The following CIMAP1D variants were observed in gnomAD, a reference collection of about 807,000 sequenced individuals.
CIMAP1D encodes the protein protein CIMAP1D.
the CIMAP1D span, among the ~76,000 whole-genome samples, chr19:470,862 C>T: frequency 6.6e-6 from 1 of 152,254 alleles, no homozygotes; most frequent in South Asian, 2.1e-4. Context: ...GGGGTCCACG[C>T]CGGAGCTGCT....
the CIMAP1D span, chr19:467,785 C>A: frequency 6.8e-7 from 1 of 1,467,622 alleles, no homozygotes; most frequent in South Asian, 1.2e-5. Context: ...GCCCAGAGTG[C>A]TGAGAGTGAT....
chr19:477,429 C>T, the CIMAP1D span, among the ~76,000 whole-genome samples: 1 of 152,042 alleles, frequency 6.6e-6, no homozygotes, highest in Non-Finnish European at 1.5e-5. Flanking sequence ...AAAAAATTAG[C>T]TGGGCACAGT....
the CIMAP1D span, chr19:467,875 C>T: frequency 2.3e-5 from 15 of 662,374 alleles, no homozygotes; most frequent in East Asian, 4.2e-4. Flanking sequence ...TCAGAGGCCA[C>T]CCCAGTCCCA....
chr19:469,768 C>T, the CIMAP1D span, among the ~76,000 whole-genome samples: 4 of 152,172 alleles, frequency 2.6e-5, no homozygotes, highest in Admixed American at 6.5e-5. Context: ...GCCTCACTCA[C>T]GTGACCACAG....
At chr19:472,056 A>G in the CIMAP1D span, among the ~76,000 whole-genome samples, 2 of 152,168 alleles carry the variant, frequency 1.3e-5, no homozygotes, top group African/African-American at 4.8e-5. Context: ...GCTATTGTTA[A>G]CTTTTAACAG....
chr19:481,878 TG>T, the CIMAP1D span, among the ~76,000 whole-genome samples: 1 of 150,448 alleles, frequency 6.6e-6, no homozygotes, highest in East Asian at 2.0e-4. Flanking sequence ...TGGGCTGAAG[TG>T]ATCTTCCCAC....
At chr19:463,848 C>A in the CIMAP1D span, 1 of 1,607,520 alleles carries the variant, frequency 6.2e-7, no homozygotes, top group East Asian at 2.2e-5. Context: ...CCTGGCCTAG[C>A]AGCAGCGGCC....
chr19:464,312 AG>A, the CIMAP1D span: 8 of 1,540,378 alleles, frequency 5.2e-6, no homozygotes, highest in East Asian at 9.8e-5. Flanking sequence ...GATGGCGCAC[AG>A]GGGGCACCTT....
chr19:477,968 G>A, the CIMAP1D span, among the ~76,000 whole-genome samples: 2 of 152,174 alleles, frequency 1.3e-5, no homozygotes, highest in African/African-American at 4.8e-5. Flanking sequence ...CTCTGCCTGA[G>A]CTCTCTCTAC....
the CIMAP1D span, among the ~76,000 whole-genome samples, chr19:473,062 G>A: frequency 5.0e-5 from 6 of 120,344 alleles, no homozygotes; most frequent in East Asian, 2.5e-4. Context: ...AGAGATACAC[G>A]GTCACAGATG....
At chr19:479,127 G>A in the CIMAP1D span, among the ~76,000 whole-genome samples, 1 of 152,204 alleles carries the variant, frequency 6.6e-6, no homozygotes, top group Non-Finnish European at 1.5e-5. Context: ...AACTGTTCTC[G>A]TAAATGCAGA....
the CIMAP1D span, among the ~76,000 whole-genome samples, chr19:488,037 C>G: frequency 3.3e-5 from 5 of 152,212 alleles, no homozygotes; most frequent in Non-Finnish European, 5.9e-5. Flanking sequence ...CAATCGATCA[C>G]GACCCTCTCA....
At chr19:475,843 G>A in the CIMAP1D span, among the ~76,000 whole-genome samples, 13 of 151,138 alleles carry the variant, frequency 8.6e-5, no homozygotes, top group South Asian at 1.9e-3. Flanking sequence ...GTGCGATCTC[G>A]GCTCACTGCA....
chr19:475,079 G>A, the CIMAP1D span: 5 of 256,924 alleles, frequency 1.9e-5, no homozygotes, highest in South Asian at 1.7e-4. Flanking sequence ...GGCCAGGGCC[G>A]GCCCCAGGGA....
chr19:467,870 G>A, the CIMAP1D span: 3 of 682,392 alleles, frequency 4.4e-6, no homozygotes, highest in Non-Finnish European at 7.5e-6. Context: ...CCAGGTCAGA[G>A]GCCACCCCAG....
At chr19:464,452 G>A in the CIMAP1D span, 1 of 786,364 alleles carries the variant, frequency 1.3e-6, no homozygotes, top group African/African-American at 1.7e-5. Flanking sequence ...ATGCACCCTG[G>A]AGCTTACAAC....
At chr19:486,115 C>T in the CIMAP1D span, among the ~76,000 whole-genome samples, 1 of 152,242 alleles carries the variant, frequency 6.6e-6, no homozygotes, top group Non-Finnish European at 1.5e-5. Flanking sequence ...CTCTCAGGCT[C>T]TGCTGGGCAC....
the CIMAP1D span, chr19:472,538 A>C: frequency 7.1e-7 from 1 of 1,417,012 alleles, no homozygotes; most frequent in Non-Finnish European, 9.6e-7. Flanking sequence ...TCCTGGGCCC[A>C]GATTCCCCGA....
chr19:465,203 T>C, the CIMAP1D span, among the ~76,000 whole-genome samples: 607 of 129,094 alleles, frequency 4.7e-3, 3 homozygotes, highest in South Asian at 9.1e-3. Flanking sequence ...GATGAGTGGA[T>C]GGATGGGTGG....
Sources: gnomAD v4.1 joint callset for allele counts (sites outside exome capture counted in the v4.1 genomes callset) on GRCh38, gnomAD v4.1.1 for gene constraint, MANE v1.5 for transcripts, NCBI Gene and HGNC (gene_info 2026-07-23, HGNC 2026-07-21) for gene names.